Variants in DOP1A observed in about 807,000 individuals in gnomAD.
DOP1A encodes the protein DOP1 leucine zipper like protein A.
In DOP1A, 90 loss-of-function variants were observed where a neutral mutation model predicts 267.6. The observed-to-expected ratio is 0.34, with a 90% CI of 0.28 to 0.40. The LOEUF (loss-of-function observed/expected upper bound fraction) is 0.40. DOP1A is among the 10% of genes least tolerant of loss of function. DOP1A has a pLI of 1.00. For synonymous variants in DOP1A, 932 were observed against 999.1 expected (o/e 0.93, Z 1.27); for missense variants, 2,437 against 2,900.4 (o/e 0.84, Z 3.67).
rs145763302 is a variant in DOP1A, at chr6:83,109,074, A to C, written c.485A>C (p.Tyr162Ser). Reference protein sequence around the residue: ...LPGLEEGSEYYERTNMLLEKV... With the variant: ...LPGLEEGSEYSERTNMLLEKV... ...GGCTTAGAAGAAGGATCAGAGTACT[A>C]TGAGAGGTAAGATCATATTTGGTGC... The change falls in exon 5 of 39, where the codon TAT becomes TCT. Residue 162 changes from tyrosine to serine, a missense_variant. Physicochemically the swap from Tyr to Ser is moderately radical, Grantham distance 144 (BLOSUM62 -2). Around this residue, in one of 9 missense-constraint regions of DOP1A, gnomAD observed 251 missense variants for 359.1 expected, o/e 0.70. Coordinates refer to ENST00000349129, the MANE Select transcript of DOP1A (RefSeq NM_015018.4). 1.9e-5 allele frequency: 30 copies of C among 1,610,864 alleles called. No individual in the cohort carries two copies. The highest frequency in any genetic ancestry group is 1.1e-4 in the East Asian group (5 of 44,778).
downstream of DOP1A, chr6:83,170,180 G>A (rs1786796425): frequency 1.2e-6 from 1 of 809,926 alleles, no homozygotes; most frequent in Non-Finnish European, 1.9e-6. Context: ...GTCTTAATGT[G>A]AACCTAAAAG....
Position 83,168,458 on chromosome 6 carries a change from C to T in DOP1A, c.*291C>T. On this transcript the variant is annotated 3_prime_UTR_variant, in exon 39 of 39. Coordinates refer to ENST00000349129, the MANE Select transcript of DOP1A (RefSeq NM_015018.4). ...CTTAAACCTGCAAAATATACACTAC[C>T]CATTTTTTTTTTCCATTGGTTTCAG... 1 of 1,065,186 alleles carries T rather than the reference C, an allele frequency of 9.4e-7. No individual in the cohort carries two copies. The highest frequency in any genetic ancestry group is 1.1e-6 in the Non-Finnish European group (1 of 881,646). 66.0% of individuals were successfully genotyped at this position (1,065,186 alleles called of 1,614,324 possible).
intron 38 of DOP1A, chr6:83,166,660 C>T: frequency 1.6e-6 from 2 of 1,248,824 alleles, no homozygotes; most frequent in Non-Finnish European, 2.1e-6. Context: ...AATGCAAAAA[C>T]CGCAATTACG....
chr6:83,091,270 G>A (rs1031528414), intron 1 of DOP1A, among the ~76,000 whole-genome samples: 12 of 152,104 alleles, frequency 7.9e-5, no homozygotes, highest in African/African-American at 2.9e-4. Flanking sequence ...AGATTTGGGT[G>A]GGGACACAGC....
At chr6:83,083,800 G>A (rs931291669) in intron 1 of DOP1A, among the ~76,000 whole-genome samples, 2 of 152,170 alleles carry the variant, frequency 1.3e-5, no homozygotes, top group African/African-American at 4.8e-5. Flanking sequence ...GCCATTTGAA[G>A]CTTAAAGTAG....
chr6:83,125,719 T>G lies in DOP1A; in HGVS notation c.1705T>G (p.Trp569Gly). The G allele has an allele frequency of 6.2e-7, 1 of 1,608,462 alleles. No homozygotes were observed. ...TGGGCAGAACAATTCAGTCAAAGAG[T>G]GGGAAGACAAAAAGGTAATTTTAAC... Reference protein sequence around the residue: ...PSGQNNSVKEWEDKKVSSVSH... With the variant: ...PSGQNNSVKEGEDKKVSSVSH... Residue 569 changes from tryptophan (W) to glycine (G), a missense_variant, in exon 15 of 39, where the codon TGG (tryptophan) becomes GGG (glycine). Trp to Gly is a radical substitution (Grantham distance 184). Transcript: ENST00000349129.
chr6:83,129,097 G>A lies in DOP1A; in HGVS notation c.1930G>A (p.Val644Met). 6.2e-7 allele frequency: 1 copy of A among 1,614,078 alleles called. No individual in the cohort carries two copies. Among genetic ancestry groups the A allele is most frequent in the Admixed American group, 1.7e-5 (1 of 60,014 alleles). ...CTCTGAGACAGAAACAGCATCCACT[G>A]TGGGATCTGAAGAAACCATCATCCA... ...TSSETETAST[V>M]GSEETIIQTP... is the part of the protein sequence containing the mutation. Residue 644 changes from valine to methionine, a missense_variant, in exon 16 of 39, where the codon GTG becomes ATG. Val to Met is a conservative substitution (Grantham distance 21). Around this residue, in one of 9 missense-constraint regions of DOP1A, gnomAD observed 498 missense variants for 513.5 expected, o/e 0.97. Coordinates refer to ENST00000349129, the MANE Select transcript of DOP1A (RefSeq NM_015018.4).
At chr6:83,105,424 G>A (rs1773439923) in intron 4 of DOP1A, among the ~76,000 whole-genome samples, 1 of 136,482 alleles carries the variant, frequency 7.3e-6, no homozygotes, top group Non-Finnish European at 1.5e-5. Context: ...GAGTGCAGTG[G>A]CACAATCTTG....
intron 6 of DOP1A, among the ~76,000 whole-genome samples, chr6:83,112,365 A>AATATAT (rs141547024): frequency 6.7e-6 from 1 of 148,976 alleles, no homozygotes; most frequent in African/African-American, 2.5e-5. Context: ...CAAAAATACA[A>AATATAT]ATATATATAT....
downstream of DOP1A, chr6:83,168,605 C>T: frequency 1.0e-6 from 1 of 997,154 alleles, no homozygotes; most frequent in Non-Finnish European, 1.2e-6. Context: ...AGTTTTTCTC[C>T]CACATACCTT....
rs1434378471 is a variant in DOP1A, at chr6:83,121,985, A to G, written c.1155A>G (p.Gln385=). Residue 385 remains glutamine (Q), a synonymous_variant, in exon 11 of 39, where the codon CAA becomes CAG. Transcript: ENST00000349129. ...AAGTGTTTAGAACATTATATTCTCA[A>G]TGCAAAGCAGAGTTGGATCTTCAAA... The part of the protein sequence containing the change: ...LIEVFRTLYS[Q]CKAELDLQTE... 7 of 1,611,564 alleles carry G rather than the reference A, an allele frequency of 4.3e-6. No homozygotes were observed. Among genetic ancestry groups the G allele is most frequent in the East Asian group, 4.5e-5 (2 of 44,740 alleles).
intron 7 of DOP1A, among the ~76,000 whole-genome samples, chr6:83,118,129 C>T (rs766022219): frequency 6.6e-6 from 1 of 152,136 alleles, no homozygotes; most frequent in Non-Finnish European, 1.5e-5. Flanking sequence ...TTAAACTAGT[C>T]AGTTTCCACA....
chr6:83,161,593 G>A (rs1308351702), intron 37 of DOP1A, among the ~76,000 whole-genome samples: 1 of 152,094 alleles, frequency 6.6e-6, no homozygotes, highest in African/African-American at 2.4e-5. Context: ...TTATAGGATG[G>A]TTTCTAAACA....
intron 1 of DOP1A, among the ~76,000 whole-genome samples, chr6:83,074,562 G>C (rs1227334292): frequency 6.6e-5 from 10 of 152,098 alleles, no homozygotes; most frequent in Non-Finnish European, 1.2e-4. Flanking sequence ...CAACCATTTT[G>C]ATTTCTCCTT....
intron 19 of DOP1A, among the ~76,000 whole-genome samples, 174 bp from the exon 20 acceptor site, chr6:83,135,445 C>T (rs1778734792): frequency 6.6e-6 from 1 of 150,878 alleles, no homozygotes; most frequent in African/African-American, 2.4e-5. Context: ...TTCTTATACC[C>T]ACCGAGACTA....
At chr6:83,107,070 A>T (rs534158862) in intron 4 of DOP1A, among the ~76,000 whole-genome samples, 118 of 152,140 alleles carry the variant, frequency 7.8e-4, no homozygotes, top group Middle Eastern at 3.4e-3. Flanking sequence ...AATTCATAAA[A>T]ATATATATAT....
chr6:83,124,612 T>C, intron 12 of DOP1A, 93 bp from the exon 13 acceptor site: 5 of 923,050 alleles, frequency 5.4e-6, no homozygotes, highest in Non-Finnish European at 8.7e-6. Flanking sequence ...TGACCCAATA[T>C]TGACTTGGAC....
At chr6:83,125,432 T>C (rs2128226885) in intron 14 of DOP1A, 68 bp from the exon 15 acceptor site, 1 of 1,414,380 alleles carries the variant, frequency 7.1e-7, no homozygotes. Flanking sequence ...CCTATTTATA[T>C]AGATTAAAAA....
intron 1 of DOP1A, among the ~76,000 whole-genome samples, chr6:83,089,444 T>C (rs1769927268): frequency 6.6e-6 from 1 of 152,202 alleles, no homozygotes; most frequent in Non-Finnish European, 1.5e-5. Context: ...ATTTTTATAA[T>C]TGATATATGT....
Sources: allele counts gnomAD v4.1 joint callset (sites outside exome capture counted in the v4.1 genomes callset), GRCh38; gene constraint gnomAD v4.1.1; regional missense constraint gnomAD v4.1.1; transcripts MANE v1.5; gene names NCBI Gene and HGNC (gene_info 2026-07-23, HGNC 2026-07-21).